The following NR2F1-AS1 variants were observed in gnomAD, a reference collection of about 807,000 sequenced individuals.
The protein encoded by NR2F1-AS1 is NR2F1 antisense RNA 1.
At chr5:93,496,160 A>G (rs1442363123) in intron 4 of NR2F1-AS1, 1 of 152,208 alleles carries the variant, frequency 6.6e-6, no homozygotes, top group Non-Finnish European at 1.5e-5. Context: ...TCCTTTATTC[A>G]TTCATAGATC....
At chr5:93,465,720 T>C (rs1223832114) in intron 4 of NR2F1-AS1, among the ~76,000 whole-genome samples, 1 of 152,138 alleles carries the variant, frequency 6.6e-6, no homozygotes, top group Non-Finnish European at 1.5e-5. Flanking sequence ...GTGACACATA[T>C]ACAACATGGA....
At chr5:93,440,121 G>A (rs1749531658) in intron 4 of NR2F1-AS1, among the ~76,000 whole-genome samples, 1 of 152,060 alleles carries the variant, frequency 6.6e-6, no homozygotes, top group Non-Finnish European at 1.5e-5. Flanking sequence ...TTTAGGCTGT[G>A]GAGTTTTTCT....
chr5:93,580,868 GC>G (rs1261886027), upstream of NR2F1-AS1: 1 of 152,296 alleles, frequency 6.6e-6, no homozygotes, highest in African/African-American at 2.4e-5. Flanking sequence ...ACCCCCAGTC[GC>G]CTCCTCGCCA....
chr5:93,440,120 T>C (rs1749531604), intron 4 of NR2F1-AS1, among the ~76,000 whole-genome samples: 1 of 152,182 alleles, frequency 6.6e-6, no homozygotes, highest in Non-Finnish European at 1.5e-5. Flanking sequence ...GTTTAGGCTG[T>C]GGAGTTTTTC....
chr5:93,575,815 G>C (rs576146106), intron 1 of NR2F1-AS1, among the ~76,000 whole-genome samples: 42 of 152,226 alleles, frequency 2.8e-4, no homozygotes, highest in African/African-American at 9.9e-4. Context: ...TAGACTGCTT[G>C]TTAGAGAATT....
intron 4 of NR2F1-AS1, among the ~76,000 whole-genome samples, chr5:93,517,008 T>C (rs1239031771): frequency 6.6e-6 from 1 of 151,986 alleles, no homozygotes; most frequent in African/African-American, 2.4e-5. Context: ...AACTATTATA[T>C]AGTTTTTATT....
chr5:93,438,432 C>T (rs1250049006), intron 4 of NR2F1-AS1, among the ~76,000 whole-genome samples: 1 of 152,188 alleles, frequency 6.6e-6, no homozygotes. Context: ...ATTCACCAGG[C>T]CCACCATATC....
At chr5:93,567,517 G>A (rs745805211) in intron 1 of NR2F1-AS1, among the ~76,000 whole-genome samples, 1 of 152,174 alleles carries the variant, frequency 6.6e-6, no homozygotes, top group East Asian at 1.9e-4. Flanking sequence ...ATTACTTGTA[G>A]AAGTCTTGAG....
intron 4 of NR2F1-AS1, among the ~76,000 whole-genome samples, chr5:93,513,917 T>C (rs972068797): frequency 2.6e-5 from 4 of 152,118 alleles, no homozygotes; most frequent in Non-Finnish European, 5.9e-5. Flanking sequence ...CATGGGAAGA[T>C]TCAAGCTTGT....
chr5:93,482,330 C>T (rs1750617767), intron 4 of NR2F1-AS1, among the ~76,000 whole-genome samples: 1 of 152,084 alleles, frequency 6.6e-6, no homozygotes, highest in South Asian at 2.1e-4. Context: ...CATCACCTCA[C>T]CCAGGAAGTG....
chr5:93,423,736 G>A (rs999979582), intron 4 of NR2F1-AS1, among the ~76,000 whole-genome samples: 29 of 151,966 alleles, frequency 1.9e-4, no homozygotes, highest in African/African-American at 5.8e-4. Flanking sequence ...AACATTTACC[G>A]TGCTCCTATT....
intron 4 of NR2F1-AS1, among the ~76,000 whole-genome samples, chr5:93,482,242 T>C (rs1750615407): frequency 6.6e-6 from 1 of 152,132 alleles, no homozygotes; most frequent in Non-Finnish European, 1.5e-5. Flanking sequence ...CATTTTCAAC[T>C]GAGGTACCTG....
intron 1 of NR2F1-AS1, among the ~76,000 whole-genome samples, chr5:93,573,224 G>A (rs1752816815): frequency 6.6e-6 from 1 of 152,236 alleles, no homozygotes; most frequent in Non-Finnish European, 1.5e-5. Flanking sequence ...TTGGCTGGCA[G>A]TGCTCCCCCG....
chr5:93,576,434 T>C (rs1457387134), intron 1 of NR2F1-AS1, among the ~76,000 whole-genome samples: 3 of 152,172 alleles, frequency 2.0e-5, no homozygotes, highest in African/African-American at 4.8e-5. Context: ...TTGTGCTTTT[T>C]TTTTTTTTTC....
At chr5:93,499,751 G>A (rs937043019) in intron 4 of NR2F1-AS1, among the ~76,000 whole-genome samples, 1 of 152,154 alleles carries the variant, frequency 6.6e-6, no homozygotes, top group Non-Finnish European at 1.5e-5. Flanking sequence ...AAACAGCCAA[G>A]TTACGAATGT....
intron 4 of NR2F1-AS1, among the ~76,000 whole-genome samples, chr5:93,510,119 C>T (rs868146020): frequency 3.3e-5 from 5 of 151,952 alleles, no homozygotes; most frequent in African/African-American, 1.2e-4. Context: ...TAAGTTAGAA[C>T]GATTAAAAAT....
At chr5:93,410,762 A>G (rs1160617025) in intron 4 of NR2F1-AS1, 1 of 152,194 alleles carries the variant, frequency 6.6e-6, no homozygotes, top group African/African-American at 2.4e-5. Flanking sequence ...CCACTCCCCA[A>G]GAAATCCACA....
intron 4 of NR2F1-AS1, among the ~76,000 whole-genome samples, chr5:93,493,563 T>C (rs1209504619): frequency 6.6e-6 from 1 of 152,068 alleles, no homozygotes; most frequent in African/African-American, 2.4e-5. Context: ...AAGTAACATA[T>C]GGTTGGAAGA....
upstream of NR2F1-AS1, chr5:93,584,918 TC>T (rs1753200501): frequency 1.1e-4 from 2 of 18,920 alleles, no homozygotes; most frequent in Non-Finnish European, 2.5e-4. Flanking sequence ...CCCCGCCCCC[TC>T]CCCCTCCCCC....
Sources: allele counts gnomAD v4.1 joint callset (sites outside exome capture counted in the v4.1 genomes callset), GRCh38; gene constraint gnomAD v4.1.1; transcripts MANE v1.5; gene names NCBI Gene and HGNC (gene_info 2026-07-23, HGNC 2026-07-21).